NCOA2: variants seen among roughly 807,000 people sequenced by gnomAD.
NCOA2 encodes class E basic helix-loop-helix protein 75.
In NCOA2, 21 loss-of-function variants were observed where a neutral mutation model predicts 145.1. That is an observed-to-expected ratio of 0.14 (90% CI 0.10 to 0.21). The LOEUF (loss-of-function observed/expected upper bound fraction) is 0.21. NCOA2 is among the 10% of genes least tolerant of loss of function. The pLI, the probability that NCOA2 is intolerant of heterozygous loss-of-function variation, is 1.00. For synonymous variants in NCOA2, 619 were observed against 637.5 expected (o/e 0.97, Z 0.44); for missense variants, 1,472 against 1,837.6 (o/e 0.80, Z 3.64).
At chr8:70,350,587 C>T (rs777733285) in intron 1 of NCOA2, among the ~76,000 whole-genome samples, 2 of 152,154 alleles carry the variant, frequency 1.3e-5, no homozygotes, top group Non-Finnish European at 2.9e-5. Flanking sequence ...TCTCCTCCAT[C>T]CTATGGTAAC....
chr8:70,340,591 T>G (rs1392121434), intron 1 of NCOA2, among the ~76,000 whole-genome samples: 1 of 152,168 alleles, frequency 6.6e-6, no homozygotes, highest in African/African-American at 2.4e-5. Context: ...ATCCCACTAT[T>G]GGGTATACAC....
At chr8:70,373,202 C>T (rs539188847) in intron 1 of NCOA2, among the ~76,000 whole-genome samples, 2 of 152,284 alleles carry the variant, frequency 1.3e-5, no homozygotes, top group African/African-American at 2.4e-5. Context: ...TTCCAAAGAA[C>T]ACCTCAACCA....
At chr8:70,284,856 G>GGAGAAGA in intron 2 of NCOA2, among the ~76,000 whole-genome samples, 1 of 152,060 alleles carries the variant, frequency 6.6e-6, no homozygotes, top group Non-Finnish European at 1.5e-5. Context: ...AAGGGAGAAG[G>GGAGAAGA]GAGAGGGGAG....
chr8:70,406,662 A>T (rs79606839), upstream of NCOA2, among the ~76,000 whole-genome samples: 614 of 152,350 alleles, frequency 4.0e-3, 4 homozygotes, highest in African/African-American at 0.014. Flanking sequence ...AGTAAAGAAA[A>T]TGACAAATTA....
At chr8:70,230,236 T>C (rs1821017131) in intron 2 of NCOA2, among the ~76,000 whole-genome samples, 1 of 152,092 alleles carries the variant, frequency 6.6e-6, no homozygotes, top group Admixed American at 6.5e-5. Context: ...GGCCACATAT[T>C]GTATGGCTGC....
At chr8:70,180,719 C>T (rs1372921586) in intron 4 of NCOA2, among the ~76,000 whole-genome samples, 3 of 152,184 alleles carry the variant, frequency 2.0e-5, no homozygotes, top group African/African-American at 4.8e-5. Flanking sequence ...TTTTTAGAGA[C>T]AGCATCCCAC....
In NCOA2 at chr8:70,318,657, A is replaced by G. The variant is rs146199632; in HGVS notation, c.-76-21857T>C. On this transcript the variant is annotated intron_variant, in intron 1 of 22. Coordinates refer to ENST00000452400, the MANE Select transcript of NCOA2 (RefSeq NM_006540.4). ...GTGGCGCCTGCCTGTAGTCCCAGCT[A>G]CTCGGGAGGCTGTGGGAGGATCATT... is the stretch of plus-strand genomic sequence containing the variant. Among the ~76,000 whole-genome samples the G allele has an allele frequency of 9.4e-3, 1,426 of 152,168 alleles. 22 individuals are homozygous for G. The highest frequency in any genetic ancestry group is 0.032 in the African/African-American group (1,329 of 41,518).
intron 1 of NCOA2, among the ~76,000 whole-genome samples, chr8:70,306,671 G>A (rs537471054): frequency 1.3e-5 from 2 of 152,204 alleles, no homozygotes; most frequent in South Asian, 4.1e-4. Context: ...TTGAACTCAG[G>A]AGCTCAAGAT....
intron 1 of NCOA2, chr8:70,402,236 TC>T (rs770866891): frequency 2.0e-5 from 3 of 147,820 alleles, no homozygotes; most frequent in Non-Finnish European, 3.0e-5. Context: ...GAGATTCGGG[TC>T]GGTGGGAGGG....
At chr8:70,222,547 T>C (rs941867513) in intron 2 of NCOA2, among the ~76,000 whole-genome samples, 3 of 152,222 alleles carry the variant, frequency 2.0e-5, no homozygotes, top group Non-Finnish European at 4.4e-5. Flanking sequence ...TATTAGACAG[T>C]AACTAGAAGA....
intron 6 of NCOA2, among the ~76,000 whole-genome samples, chr8:70,169,759 A>C (rs755125092): frequency 4.3e-4 from 65 of 152,142 alleles, no homozygotes; most frequent in Non-Finnish European, 8.5e-4. Context: ...TATGCACAAA[A>C]ATAAAAAATT....
chr8:70,203,257 G>C (rs1373760501), intron 4 of NCOA2, among the ~76,000 whole-genome samples: 1 of 14,498 alleles, frequency 6.9e-5, no homozygotes, highest in Non-Finnish European at 1.5e-4. Flanking sequence ...ACAAGACTCT[G>C]TCTCAAAAAA....
Position 70,401,598 on chromosome 8 carries a change from G to A in NCOA2, c.-77+2102C>T, listed in dbSNP as rs547654908. On this transcript the variant is annotated intron_variant, in intron 1 of 22. Transcript: ENST00000452400. ...ATGCCGAAGTTTCAAGTACACTTTG[G>A]GAACTGGAGCTCTAATTAAACAAGA... 3.9e-5 allele frequency among the ~76,000 whole-genome samples: 6 copies of A among 151,928 alleles called. No individual in the cohort carries two copies. The South Asian group carries it at 6.2e-4, about 16-fold the overall frequency.
the NCOA2 span, among the ~76,000 whole-genome samples, chr8:70,427,398 G>A: frequency 6.6e-6 from 1 of 152,140 alleles, no homozygotes; most frequent in African/African-American, 2.4e-5. Context: ...GTGTTCACAC[G>A]AATGATCTAC....
chr8:70,289,357 T>G (rs1826493106), intron 2 of NCOA2, among the ~76,000 whole-genome samples: 2 of 152,240 alleles, frequency 1.3e-5, no homozygotes, highest in Admixed American at 1.3e-4. Context: ...CTTTTAAAGA[T>G]AGTCTTTTAT....
intron 1 of NCOA2, among the ~76,000 whole-genome samples, chr8:70,330,216 A>AATGATGATGATGATGATGGTAATG (rs1806970618): frequency 6.6e-6 from 1 of 150,800 alleles, no homozygotes; most frequent in African/African-American, 2.4e-5. Flanking sequence ...TGATGATGAT[A>AATGATGATGATGATGATGGTAATG]ATGATGATGA....
chr8:70,334,080 A>C (rs779479842), intron 1 of NCOA2, among the ~76,000 whole-genome samples: 1 of 152,172 alleles, frequency 6.6e-6, no homozygotes, highest in African/African-American at 2.4e-5. Flanking sequence ...CTACCTGATA[A>C]AACTCTGCTC....
At chr8:70,141,115 G>T in intron 14 of NCOA2, 69 bp downstream of exon 14, 2 of 1,446,346 alleles carry the variant, frequency 1.4e-6, no homozygotes, top group East Asian at 2.4e-5. Flanking sequence ...TGTCTTGAAA[G>T]AACTTATGAC....
At chr8:70,192,520 C>G (rs778877189) in intron 4 of NCOA2, among the ~76,000 whole-genome samples, 4 of 152,342 alleles carry the variant, frequency 2.6e-5, no homozygotes, top group African/African-American at 9.6e-5. Flanking sequence ...GGGCCTGCCC[C>G]TCTGCTCCTA....
Sources: allele counts gnomAD v4.1 joint callset (sites outside exome capture counted in the v4.1 genomes callset), GRCh38; gene constraint gnomAD v4.1.1; transcripts MANE v1.5; gene names NCBI Gene and HGNC (gene_info 2026-07-23, HGNC 2026-07-21).